The following STK32B variants were observed in gnomAD, a reference collection of about 807,000 sequenced individuals.
STK32B encodes the protein serine/threonine-protein kinase 32B.
Under a neutral mutation model 52.6 loss-of-function variants are expected in STK32B, and 43 were observed. That is an observed-to-expected ratio of 0.82 (90% CI 0.64 to 1.05). STK32B has a LOEUF of 1.05. Ranked by LOEUF, STK32B falls within the 50% of genes least tolerant of loss-of-function variation. The pLI, the probability that STK32B is intolerant of heterozygous loss-of-function variation, is 0.00. For synonymous variants in STK32B, 238 were observed against 204.3 expected (o/e 1.17, Z -1.41); for missense variants, 621 against 534.6 (o/e 1.16, Z -1.59).
chr4:5,236,499 A>G (rs1724647193), intron 3 of STK32B, among the ~76,000 whole-genome samples: 1 of 152,232 alleles, frequency 6.6e-6, no homozygotes, highest in African/African-American at 2.4e-5. Flanking sequence ...GTATTGCCCA[A>G]AAATTGCTAC....
In STK32B at chr4:5,080,134, G is replaced by C. The variant is rs142061612; in HGVS notation, c.52+28219G>C. Among the ~76,000 whole-genome samples, 664 of 152,176 alleles carry C rather than the reference G, an allele frequency of 4.4e-3. 8 individuals carry two copies. Among genetic ancestry groups the C allele is most frequent in the Non-Finnish European group, 3.0e-3 (201 of 67,980 alleles). On this transcript the variant is annotated intron_variant, in intron 1 of 11. Coordinates refer to ENST00000282908, the MANE Select transcript of STK32B (RefSeq NM_018401.3). ...CTCATTACACCATAACTAAGATCAT[G>C]TTACTCCAGTGCACAGAACCCTCTG... is the stretch of plus-strand genomic sequence containing the variant.
chr4:5,459,111 C>G (rs1032435631), intron 8 of STK32B, among the ~76,000 whole-genome samples: 2 of 152,326 alleles, frequency 1.3e-5, no homozygotes, highest in African/African-American at 4.8e-5. Flanking sequence ...TGTTTTGGGA[C>G]AGCCCCTAAA....
intron 3 of STK32B, among the ~76,000 whole-genome samples, chr4:5,288,675 T>C (rs1030576316): frequency 3.9e-5 from 6 of 152,202 alleles, no homozygotes; most frequent in African/African-American, 1.2e-4. Flanking sequence ...AGTGAGGTTT[T>C]TCATTCTCTG....
At chr4:5,138,747 G>A (rs940846065) in intron 1 of STK32B, among the ~76,000 whole-genome samples, 2 of 152,182 alleles carry the variant, frequency 1.3e-5, no homozygotes, top group African/African-American at 4.8e-5. Flanking sequence ...AGAATGTATC[G>A]TAGGGAGCCA....
intron 6 of STK32B, chr4:5,438,174 A>C: frequency 2.1e-6 from 2 of 970,780 alleles, no homozygotes; most frequent in Non-Finnish European, 2.4e-6. Context: ...GCATGAAGGG[A>C]CTCCTTTTCT....
intron 2 of STK32B, 99 bp downstream of exon 2, chr4:5,140,059 G>A (rs1716315802): frequency 6.6e-7 from 1 of 1,517,974 alleles, no homozygotes; most frequent in East Asian, 2.3e-5. Flanking sequence ...CTGTTTGACA[G>A]TAAGATTTCG....
chr4:5,449,040 G>A (rs1248618088), intron 7 of STK32B, among the ~76,000 whole-genome samples: 1 of 152,126 alleles, frequency 6.6e-6, no homozygotes, highest in Non-Finnish European at 1.5e-5. Flanking sequence ...GTCCAAAAGA[G>A]GAAAGAAAGT....
intron 11 of STK32B, among the ~76,000 whole-genome samples, chr4:5,472,230 A>AGTGG: frequency 6.6e-6 from 1 of 152,246 alleles, no homozygotes; most frequent in Non-Finnish European, 1.5e-5. Flanking sequence ...CAGGATGCCC[A>AGTGG]TAGCCTGCAG....
chr4:5,080,462 T>C (rs1371346453), intron 1 of STK32B, among the ~76,000 whole-genome samples: 1 of 152,226 alleles, frequency 6.6e-6, no homozygotes, highest in Non-Finnish European at 1.5e-5. Context: ...CCTGGCTTTT[T>C]TTAGATCTTT....
At chr4:5,298,198 T>G (rs751810447) in intron 3 of STK32B, among the ~76,000 whole-genome samples, 1 of 152,110 alleles carries the variant, frequency 6.6e-6, no homozygotes, top group Non-Finnish European at 1.5e-5. Flanking sequence ...CAGCTGGAGC[T>G]CTCCTGTATA....
At chr4:5,111,593 A>G (rs1179734344) in intron 1 of STK32B, among the ~76,000 whole-genome samples, 1 of 152,116 alleles carries the variant, frequency 6.6e-6, no homozygotes, top group Non-Finnish European at 1.5e-5. Context: ...GATGGAGAGA[A>G]TAGACTCTGG....
chr4:5,370,402 A>C (rs1735151844), intron 4 of STK32B, among the ~76,000 whole-genome samples: 1 of 152,228 alleles, frequency 6.6e-6, no homozygotes, highest in Non-Finnish European at 1.5e-5. Context: ...CTAAAGAGTG[A>C]CTAATGACAT....
At chr4:5,464,317 C>A (rs1717268357) in intron 9 of STK32B, among the ~76,000 whole-genome samples, 1 of 152,218 alleles carries the variant, frequency 6.6e-6, no homozygotes, top group Non-Finnish European at 1.5e-5. Flanking sequence ...AAAGACAAGC[C>A]CAAGCTTGGC....
chr4:5,047,142 G>A (rs947703616), upstream of STK32B, among the ~76,000 whole-genome samples: 12 of 152,256 alleles, frequency 7.9e-5, no homozygotes, highest in African/African-American at 1.7e-4. Context: ...TATACACCAC[G>A]GAATGCTATG....
intron 3 of STK32B, among the ~76,000 whole-genome samples, chr4:5,316,950 G>A (rs866042010): frequency 0.032 from 112 of 3,504 alleles, 25 homozygotes; most frequent in African/African-American, 0.24. Context: ...TATATAATAT[G>A]TATGATATAA....
intron 3 of STK32B, among the ~76,000 whole-genome samples, chr4:5,236,816 A>G (rs1433387559): frequency 1.3e-5 from 2 of 152,194 alleles, no homozygotes; most frequent in African/African-American, 4.8e-5. Flanking sequence ...GTTGGGGGCT[A>G]TTAAAATTAC....
intron 6 of STK32B, among the ~76,000 whole-genome samples, chr4:5,432,820 T>C (rs560433378): frequency 5.9e-5 from 9 of 152,334 alleles, no homozygotes; most frequent in South Asian, 4.1e-4. Flanking sequence ...ATACCATTTA[T>C]TGAGCACTTA....
At chr4:5,090,948 C>G (rs1023462979) in intron 1 of STK32B, among the ~76,000 whole-genome samples, 10 of 152,208 alleles carry the variant, frequency 6.6e-5, no homozygotes, top group African/African-American at 2.4e-4. Context: ...TCTAGATAGA[C>G]TTATAACAAG....
At chr4:5,104,094 G>A (rs548397359) in intron 1 of STK32B, among the ~76,000 whole-genome samples, 1 of 152,232 alleles carries the variant, frequency 6.6e-6, no homozygotes, top group South Asian at 2.1e-4. Flanking sequence ...TATTGATATG[G>A]TTTGCCTGTG....
Sources: allele counts gnomAD v4.1 joint callset (sites outside exome capture counted in the v4.1 genomes callset), GRCh38; gene constraint gnomAD v4.1.1; transcripts MANE v1.5; gene names NCBI Gene and HGNC (gene_info 2026-07-23, HGNC 2026-07-21).